USE1: variants seen among roughly 807,000 people sequenced by gnomAD.
USE1 encodes the protein unconventional SNARE in the ER 1.
A neutral mutation model predicts 37.6 loss-of-function variants in USE1; 32 were observed. The ratio of observed to expected loss-of-function variants is 0.85; its 90% CI spans 0.64 to 1.14. The LOEUF is 1.14. Among genes scored for constraint, USE1 ranks in the 50% most tolerant of loss-of-function variants. The pLI is 0.00. For missense variants in USE1, 310 were observed against 332.2 expected (o/e 0.93, Z 0.52); for synonymous variants, 149 against 137.6 (o/e 1.08, Z -0.58).
chr19:17,216,042 T>A lies in USE1; in HGVS notation c.203T>A (p.Leu68Gln). 6.2e-7 allele frequency: 1 copy of A among 1,611,586 alleles called. No individual in the cohort carries two copies. The highest frequency in any genetic ancestry group is 8.5e-7 in the Non-Finnish European group (1 of 1,178,930). ...INEYSWKVDF[L>Q]KGMLQAEKLT... ...GAATATTCCTGGAAGGTGGATTTTC[T>A]GAAGGGGATGCTGCAAGCCGAGAAG... The change falls in exon 3 of 8, where the codon CTG (leucine) becomes CAG (glutamine). Residue 68 changes from leucine (L) to glutamine (Q), a missense_variant. Coordinates refer to ENST00000263897, the MANE Select transcript of USE1 (RefSeq NM_018467.4).
Position 17,218,318 on chromosome 19 carries a change from G to A in USE1, c.395-46G>A, listed in dbSNP as rs749286622. On this transcript the variant is annotated intron_variant, in intron 5 of 7. Transcript: ENST00000263897. ...AGGCAATGCTCAGGATGCCGGAAAC[G>A]GGAAACCAACACTCGCCTTTTTTGC... The A allele has an allele frequency of 3.3e-5, 53 of 1,612,700 alleles. No homozygotes were observed. In the South Asian group the frequency reaches 3.4e-4, roughly 10 times the overall value.
In USE1 at chr19:17,216,226, A is replaced by G; in HGVS notation, c.289A>G (p.Thr97Ala). ...GTTCCTGGCCCCTGGCCGTGTGCCA[A>G]CCACAGCCAGAGAGCGAGTGCCCGC... ...NQFLAPGRVPTTARERVPATK... is the reference protein window; with the variant it reads ...NQFLAPGRVPATARERVPATK... The change falls in exon 4 of 8, where the codon ACC becomes GCC. Residue 97 changes from threonine to alanine, a missense_variant. Coordinates refer to ENST00000263897, the MANE Select transcript of USE1 (RefSeq NM_018467.4). The G allele has an allele frequency of 6.2e-7, 1 of 1,612,868 alleles. No homozygotes were observed. The highest frequency in any genetic ancestry group is 8.5e-7 in the Non-Finnish European group (1 of 1,179,824).
chr19:17,215,681 T>G (rs895883098), intron 1 of USE1, 121 bp from the exon 2 acceptor site: 87 of 369,420 alleles, frequency 2.4e-4, no homozygotes, highest in African/African-American at 3.3e-4. Flanking sequence ...ACTCCGCCCC[T>G]CCCCCACTGG....
chr19:17,216,104 A>ATCACCGC, intron 3 of USE1, 34 bp downstream of exon 3: 1 of 1,613,432 alleles, frequency 6.2e-7, no homozygotes, highest in Non-Finnish European at 8.5e-7. Flanking sequence ...CTCAGCCCCC[A>ATCACCGC]TCACCGCTCA....
chr19:17,216,416 G>A (rs951825957), intron 4 of USE1, 95 bp downstream of exon 4: 3 of 1,515,854 alleles, frequency 2.0e-6, no homozygotes, highest in South Asian at 1.2e-5. Context: ...TCAGATACAG[G>A]AACCCTAAGG....
In USE1 at chr19:17,219,357, C is replaced by T. The variant is rs369161038; in HGVS notation, c.567C>T (p.Ala189=). The T allele has an allele frequency of 1.8e-5, 29 of 1,570,014 alleles. No individual in the cohort carries two copies. The highest frequency in any genetic ancestry group is 1.7e-4 in the Middle Eastern group (1 of 6,012). ...GGAGCCTCAAGACCAATACCCTGGC[C>T]GCCCAGAGTGTCATCAAGAAGGACA... ...LARSLKTNTL[A]AQSVIKKDNQ... The change falls in exon 7 of 8, where the codon GCC becomes GCT. Residue 189 remains alanine, a synonymous_variant. Transcript: ENST00000263897.
rs767905780 is a variant in USE1 at position 17,216,354 on chromosome 19, T to C, written c.384+33T>C. The C allele has an allele frequency of 3.1e-6, 5 of 1,601,010 alleles. No individual in the cohort carries two copies. The African/African-American group carries it at 6.7e-5, about 21-fold the overall frequency. ...TCCTTCCCTGGTCCCTGGGAATCCCTTGGACAGGAATAGGGGTTCTATGCT... is the reference window on the plus strand; with the variant it reads ...TCCTTCCCTGGTCCCTGGGAATCCCCTGGACAGGAATAGGGGTTCTATGCT... On this transcript the variant is annotated intron_variant, in intron 4 of 7. Coordinates refer to ENST00000263897, the MANE Select transcript of USE1 (RefSeq NM_018467.4).
chr19:17,218,465 C>A, intron 6 of USE1, 74 bp downstream of exon 6: 3 of 1,586,510 alleles, frequency 1.9e-6, no homozygotes, highest in Non-Finnish European at 1.7e-6. Flanking sequence ...GTGGCCAAAC[C>A]CTGGACCACC....
chr19:17,218,323 A>G lies in USE1; in HGVS notation c.395-41A>G, dbSNP rs754420129. The stretch of plus-strand genomic sequence containing the variant: ...ATGCTCAGGATGCCGGAAACGGGAA[A>G]CCAACACTCGCCTTTTTTGCTTGGC... On this transcript the variant is annotated intron_variant, in intron 5 of 7. Coordinates refer to ENST00000263897, the MANE Select transcript of USE1 (RefSeq NM_018467.4). The G allele has an allele frequency of 1.7e-5, 28 of 1,613,144 alleles. No homozygotes were observed. In the South Asian group the frequency reaches 2.7e-4, roughly 16 times the overall value.
At chr19:17,215,946 C>G in intron 2 of USE1, 46 bp from the exon 3 acceptor site, 1 of 1,583,172 alleles carries the variant, frequency 6.3e-7, no homozygotes, top group Non-Finnish European at 8.6e-7. Context: ...CTTCCCTGAG[C>G]TGGGGACCAT....
chr19:17,215,607 C>G (rs574822744), intron 1 of USE1, 100 bp downstream of exon 1: 1 of 1,429,722 alleles, frequency 7.0e-7, no homozygotes, highest in Non-Finnish European at 9.4e-7. Context: ...AGTAGCCTCT[C>G]GGGCAGCGCC....
chr19:17,216,480 C>T, intron 4 of USE1, 159 bp downstream of exon 4: 1 of 1,048,692 alleles, frequency 9.5e-7, no homozygotes, highest in Non-Finnish European at 1.3e-6. Flanking sequence ...AACAGAGGGG[C>T]ATTGTGGCTA....
intron 4 of USE1, among the ~76,000 whole-genome samples, chr19:17,216,660 T>G (rs559661051): frequency 6.6e-6 from 1 of 152,300 alleles, no homozygotes; most frequent in South Asian, 2.1e-4. Context: ...GAGCACTTTA[T>G]GTGGATCAGC....
rs746528926 is a variant in USE1, at chr19:17,215,422, T to A, written c.17T>A (p.Leu6Gln). 6.4e-7 allele frequency: 1 copy of A among 1,560,432 alleles called. No individual in the cohort carries two copies. Among genetic ancestry groups the A allele is most frequent in the South Asian group, 1.2e-5 (1 of 84,622 alleles). The change falls in exon 1 of 8, where the codon CTG becomes CAG. Residue 6 changes from leucine (L) to glutamine (Q), a missense_variant. Leu to Gln is a moderately radical substitution (Grantham distance 113). Transcript: ENST00000263897. MAASRLELNLVRLLSR... is the reference protein window; with the variant it reads MAASRQELNLVRLLSR... ...CGGGCGATAATGGCGGCGTCGAGGC[T>A]GGAGCTAAACCTGGTGCGGCTGCTA...
rs779464879 is a variant in USE1 at position 17,215,847 on chromosome 19, G to T, written c.148G>T (p.Ala50Ser). 9.3e-6 allele frequency: 15 copies of T among 1,608,704 alleles called. No individual in the cohort carries two copies. Among genetic ancestry groups the T allele is most frequent in the Admixed American group, 1.7e-5 (1 of 59,366 alleles). ...CATGTTGCAGGCCCTGAAGGTCCAC[G>T]CGAGGTGAGTGCAGGCAGCCTCAGG... ...EDMLQALKVHASKPASEVINE... is the reference protein window; with the variant it reads ...EDMLQALKVHSSKPASEVINE... Residue 50 changes from alanine (A) to serine (S), a missense_variant, in exon 2 of 8, where the codon GCG becomes TCG. Ala to Ser is a moderately conservative substitution (Grantham distance 99). Transcript: ENST00000263897.
At chr19:17,217,566 T>G in intron 5 of USE1, 104 bp downstream of exon 5, 1 of 1,489,176 alleles carries the variant, frequency 6.7e-7, no homozygotes, top group Admixed American at 2.0e-5. Flanking sequence ...ATGCCCTGAC[T>G]CCAACAGGAG....
In USE1 at chr19:17,219,274, C is replaced by G. The variant is rs1432927616; in HGVS notation, c.484C>G (p.Leu162Val). 1.2e-6 allele frequency: 2 copies of G among 1,613,706 alleles called. No individual in the cohort carries two copies. Among genetic ancestry groups the G allele is most frequent in the African/African-American group, 2.7e-5 (2 of 74,892 alleles). The part of the protein sequence containing the change: ...KQLAAELDLV[L>V]QRHQNLQEKL... ...GTTGGCAGCTGAGCTAGACCTCGTCCTGCAGCGACATCAGAACCTCCAGGA... is the reference window on the plus strand; with the variant it reads ...GTTGGCAGCTGAGCTAGACCTCGTCGTGCAGCGACATCAGAACCTCCAGGA... The change falls in exon 7 of 8, where the codon CTG (leucine) becomes GTG (valine). Residue 162 changes from leucine (L) to valine (V), a missense_variant. Coordinates refer to ENST00000263897, the MANE Select transcript of USE1 (RefSeq NM_018467.4).
intron 3 of USE1, 40 bp downstream of exon 3, chr19:17,216,110 G>T (rs368079868): frequency 2.5e-6 from 4 of 1,613,230 alleles, no homozygotes; most frequent in South Asian, 1.1e-5. Context: ...CCCCATCACC[G>T]CTCACTTTGG....
intron 6 of USE1, 38 bp from the exon 7 acceptor site, chr19:17,219,175 C>A (rs1462533146): frequency 1.9e-6 from 3 of 1,576,694 alleles, no homozygotes; most frequent in East Asian, 4.5e-5. Context: ...TTTCCCACTC[C>A]ATCTCTCATG....
Sources: allele counts gnomAD v4.1 joint callset (sites outside exome capture counted in the v4.1 genomes callset), GRCh38; gene constraint gnomAD v4.1.1; transcripts MANE v1.5; gene names NCBI Gene and HGNC (gene_info 2026-07-23, HGNC 2026-07-21).